MED12L: variants seen among roughly 807,000 people sequenced by gnomAD.
MED12L encodes the protein mediator complex subunit 12L, also known as mediator of RNA polymerase II transcription subunit 12-like protein.
In MED12L, 60 loss-of-function variants were observed where a neutral mutation model predicts 281.3. The ratio of observed to expected loss-of-function variants is 0.21; its 90% CI spans 0.17 to 0.26. The LOEUF (loss-of-function observed/expected upper bound fraction) is 0.26, where lower values mean the gene tolerates loss of function less well. Ranked by LOEUF, MED12L falls within the 10% of genes least tolerant of loss-of-function variation. MED12L has a pLI of 1.00. For missense variants in MED12L, 2,146 were observed against 2,680.9 expected, an observed-to-expected ratio of 0.80 and a Z score of 4.41; for synonymous variants, 974 against 987.2, an observed-to-expected ratio of 0.99 and a Z score of 0.25.
chr3:151,214,389 A>T, intron 16 of MED12L: 1 of 1,287,502 alleles, frequency 7.8e-7, no homozygotes, highest in South Asian at 1.4e-5. Context: ...ATGGCCTCCA[A>T]GACATTTGCT....
chr3:151,181,220 T>C (rs913746085), intron 11 of MED12L, among the ~76,000 whole-genome samples: 1 of 149,588 alleles, frequency 6.7e-6, no homozygotes, highest in Non-Finnish European at 1.5e-5. Context: ...AAAAATAATA[T>C]ATGTTCGTTT....
intron 21 of MED12L, among the ~76,000 whole-genome samples, chr3:151,364,474 C>T (rs1261684805): frequency 6.6e-6 from 1 of 152,162 alleles, no homozygotes; most frequent in Non-Finnish European, 1.5e-5. Flanking sequence ...AAGGAATGTG[C>T]CTCTCTTTTT....
intron 16 of MED12L, among the ~76,000 whole-genome samples, chr3:151,275,657 T>C (rs1175585065): frequency 1.3e-5 from 2 of 152,146 alleles, no homozygotes; most frequent in African/African-American, 4.8e-5. Flanking sequence ...AATTACTAGA[T>C]TTATCCTTTT....
intron 9 of MED12L, among the ~76,000 whole-genome samples, chr3:151,164,392 G>A (rs755193115): frequency 5.3e-5 from 8 of 152,100 alleles, no homozygotes; most frequent in Non-Finnish European, 7.3e-5. Flanking sequence ...TTGTTTCAAA[G>A]CCTTATGTGA....
At chr3:151,265,074 T>C (rs1414503533) in intron 16 of MED12L, among the ~76,000 whole-genome samples, 2 of 152,238 alleles carry the variant, frequency 1.3e-5, no homozygotes, top group Non-Finnish European at 2.9e-5. Flanking sequence ...CTCGCCATTA[T>C]GTCCTGCCTC....
intron 39 of MED12L, among the ~76,000 whole-genome samples, chr3:151,400,908 AT>A (rs1362831627): frequency 6.6e-6 from 1 of 152,132 alleles, no homozygotes; most frequent in Non-Finnish European, 1.5e-5. Context: ...GCTGTAGATT[AT>A]TTTTTTAAAA....
Position 151,369,469 on chromosome 3 carries a change from A to G in MED12L, c.3584A>G (p.Asp1195Gly). ...KPFPGIRSSC[D>G]RHLLAAAHNS... ...TTCCCTGGAATAAGATCATCTTGTG[A>G]TAGACACCTCTTAGCCGCTGCTCAC... Residue 1195 changes from aspartate (D) to glycine (G), a missense_variant, in exon 26 of 45, where the codon GAT becomes GGT. Transcript: ENST00000687756. 1 of 1,610,904 alleles carries G rather than the reference A, an allele frequency of 6.2e-7. No homozygotes were observed. Among genetic ancestry groups the G allele is most frequent in the Non-Finnish European group, 8.5e-7 (1 of 1,178,144 alleles).
At chr3:151,169,268 G>A (rs1721129589) in intron 11 of MED12L, among the ~76,000 whole-genome samples, 1 of 151,458 alleles carries the variant, frequency 6.6e-6, no homozygotes, top group Non-Finnish European at 1.5e-5. Flanking sequence ...CAGGTGCCCT[G>A]CCGTCACGCC....
intron 16 of MED12L, among the ~76,000 whole-genome samples, chr3:151,336,153 A>T (rs1312495965): frequency 6.6e-6 from 1 of 152,192 alleles, no homozygotes; most frequent in African/African-American, 2.4e-5. Flanking sequence ...TACCTCAAAT[A>T]TCCTGGTATT....
intron 5 of MED12L, among the ~76,000 whole-genome samples, chr3:151,141,471 TTGTC>T (rs1175175779): frequency 5.3e-5 from 8 of 152,168 alleles, no homozygotes; most frequent in East Asian, 1.9e-4. Flanking sequence ...GCTGTGCTGT[TTGTC>T]TGTAAGGGGA....
chr3:151,317,270 A>C (rs1211520797), intron 16 of MED12L, among the ~76,000 whole-genome samples: 2 of 151,482 alleles, frequency 1.3e-5, no homozygotes, highest in Middle Eastern at 3.4e-3. Flanking sequence ...ACACATACAC[A>C]ATAGACATAT....
intron 43 of MED12L, among the ~76,000 whole-genome samples, chr3:151,424,868 ACT>A (rs1718704657): frequency 6.6e-6 from 1 of 151,802 alleles, no homozygotes; most frequent in South Asian, 2.1e-4. Flanking sequence ...CAATCTGTGG[ACT>A]CTGTCAGTTG....
intron 16 of MED12L, among the ~76,000 whole-genome samples, chr3:151,286,504 C>T (rs2149646615): frequency 6.6e-6 from 1 of 152,290 alleles, no homozygotes; most frequent in East Asian, 1.9e-4. Flanking sequence ...TCTTAGGAAG[C>T]ATCCATGAGA....
chr3:151,423,356 T>G (rs1485395681), intron 43 of MED12L, among the ~76,000 whole-genome samples: 1 of 152,138 alleles, frequency 6.6e-6, no homozygotes, highest in East Asian at 1.9e-4. Flanking sequence ...TTATAAAAAG[T>G]TAACAACTTG....
chr3:151,362,507 G>A (rs1056948865), intron 21 of MED12L, among the ~76,000 whole-genome samples: 1 of 151,898 alleles, frequency 6.6e-6, no homozygotes, highest in Non-Finnish European at 1.5e-5. Context: ...CTTCACTCAC[G>A]ACTGTCTCCC....
At chr3:151,430,164 ACACAGTTGTC>A in intron 43 of MED12L, 125 bp from the exon 44 acceptor site, 1 of 1,288,770 alleles carries the variant, frequency 7.8e-7, no homozygotes, top group Non-Finnish European at 1.1e-6. Flanking sequence ...ATTAATCCAC[ACACAGTTGTC>A]ATAGCCCTTT....
At chr3:151,300,133 C>T (rs200302935) in intron 16 of MED12L, 132 of 1,552,976 alleles carry the variant, frequency 8.5e-5, no homozygotes, top group Middle Eastern at 8.4e-4. Context: ...AGCAAAGATG[C>T]GTGTCAGGAA....
chr3:151,328,917 A>T, intron 16 of MED12L: 1 of 1,613,790 alleles, frequency 6.2e-7, no homozygotes. Context: ...AGGGCTGGGA[A>T]TACCAGCTGT....
chr3:151,396,365 C>T (rs532638405), intron 39 of MED12L, among the ~76,000 whole-genome samples: 9 of 152,324 alleles, frequency 5.9e-5, no homozygotes, highest in African/African-American at 1.7e-4. Context: ...TGGTGGCTTA[C>T]GCCTCTAATC....
Sources: gnomAD v4.1 joint callset for allele counts (sites outside exome capture counted in the v4.1 genomes callset) on GRCh38, gnomAD v4.1.1 for gene constraint, MANE v1.5 for transcripts, NCBI Gene and HGNC (gene_info 2026-07-23, HGNC 2026-07-21) for gene names.